ADGRG2: variants seen among roughly 807,000 people sequenced by gnomAD.
ADGRG2 encodes adhesion G protein-coupled receptor G2, also known as G protein-coupled receptor 64.
ADGRG2 carries 26 observed loss-of-function variants against 74.1 expected under a neutral mutation model. That is an observed-to-expected ratio of 0.35 (90% CI 0.26 to 0.49). The LOEUF is 0.49. Among genes scored for constraint, ADGRG2 ranks in the 20% least tolerant of loss-of-function variants. The pLI is 0.99. For synonymous variants in ADGRG2, 296 were observed against 295.2 expected (o/e 1.00, Z -0.03); for missense variants, 619 against 763.1 (o/e 0.81, Z 2.22).
At position 19,064,374 on chromosome X, in the gene ADGRG2, G is replaced by A. The variant is rs2061533546; in HGVS notation, c.118+4343C>T. ...TATTGTTCTCATGCGTCATAGTCACGGCCCTCCAACTGCAGTGTGAATTCC... is the reference window on the plus strand; with the variant it reads ...TATTGTTCTCATGCGTCATAGTCACAGCCCTCCAACTGCAGTGTGAATTCC... On this transcript the variant is annotated intron_variant, in intron 3 of 28. Transcript: ENST00000379869. 4.5e-5 allele frequency among the ~76,000 whole-genome samples: 5 copies of A among 112,354 alleles called. No individual in the cohort carries two copies. In the Admixed American group the frequency reaches 4.7e-4, roughly 11 times the overall value.
At chrX:19,074,736 A>T (rs2061716437) in intron 2 of ADGRG2, among the ~76,000 whole-genome samples, 2 of 105,238 alleles carry the variant, frequency 1.9e-5, no homozygotes, top group African/African-American at 7.0e-5. Context: ...CACCCGGCTA[A>T]TTTTTTCTAT....
chrX:19,105,567 G>A (rs79688043), intron 1 of ADGRG2, among the ~76,000 whole-genome samples: 3 of 109,849 alleles, frequency 2.7e-5, no homozygotes, highest in African/African-American at 1.0e-4. Flanking sequence ...CATCACACAC[G>A]GGGGCCTGTA....
chrX:19,002,357 G>A (rs898553391), intron 24 of ADGRG2, among the ~76,000 whole-genome samples: 3 of 111,551 alleles, frequency 2.7e-5, no homozygotes, highest in Admixed American at 9.6e-5. Context: ...ATGCCCACGT[G>A]GCAGTGAAGT....
At chrX:19,052,620 CTATA>C (rs2061342216) in intron 3 of ADGRG2, among the ~76,000 whole-genome samples, 1 of 108,062 alleles carries the variant, frequency 9.3e-6, no homozygotes, top group African/African-American at 3.3e-5. Context: ...GTTTTTATGT[CTATA>C]TATAAACACA....
At chrX:19,098,256 G>A (rs765512265) in intron 1 of ADGRG2, among the ~76,000 whole-genome samples, 1 of 111,195 alleles carries the variant, frequency 9.0e-6, no homozygotes, top group Admixed American at 9.5e-5. Flanking sequence ...AAAATGTGTA[G>A]GAAAAATCTC....
At chrX:19,018,850 C>CT (rs771086790) in intron 15 of ADGRG2, among the ~76,000 whole-genome samples, 6 of 108,694 alleles carry the variant, frequency 5.5e-5, no homozygotes, top group Admixed American at 9.9e-5. Flanking sequence ...ATATGAAGTA[C>CT]TTTTTTTTTT....
chrX:19,120,163 G>A (rs928531123), intron 1 of ADGRG2, among the ~76,000 whole-genome samples: 37 of 111,295 alleles, frequency 3.3e-4, no homozygotes, highest in Non-Finnish European at 1.5e-4. Context: ...CTGGCATCAC[G>A]CTGAGGCCCT....
At chrX:19,113,104 G>A (rs1359137454) in intron 1 of ADGRG2, among the ~76,000 whole-genome samples, 1 of 108,828 alleles carries the variant, frequency 9.2e-6, no homozygotes, top group Admixed American at 1.0e-4. Context: ...ACCTGCCGGT[G>A]CGGTGGCTCA....
chrX:19,070,103 G>A (rs921596377), intron 2 of ADGRG2, among the ~76,000 whole-genome samples: 2 of 112,229 alleles, frequency 1.8e-5, no homozygotes, highest in African/African-American at 6.5e-5. Context: ...TCACCTGCGT[G>A]CTCCCCCTCC....
intron 24 of ADGRG2, among the ~76,000 whole-genome samples, chrX:19,000,954 C>T (rs372214739): frequency 1.4e-4 from 15 of 110,601 alleles, no homozygotes; most frequent in African/African-American, 4.6e-4. Context: ...AGGCTGGTCT[C>T]GAACTCCTGA....
At chrX:19,062,968 T>C (rs2061509183) in intron 3 of ADGRG2, among the ~76,000 whole-genome samples, 1 of 96,371 alleles carries the variant, frequency 1.0e-5, no homozygotes, top group South Asian at 4.8e-4. Flanking sequence ...CTCTGGAAAA[T>C]AGAATAGTTG....
chrX:19,032,481 A>T (rs770744387), intron 8 of ADGRG2: 11 of 111,475 alleles, frequency 9.9e-5, no homozygotes, highest in Non-Finnish European at 1.9e-4. Context: ...TCATTCGATC[A>T]TCTCATCTTT....
chrX:19,092,191 C>T (rs2062027023), intron 1 of ADGRG2, among the ~76,000 whole-genome samples: 1 of 112,162 alleles, frequency 8.9e-6, no homozygotes, highest in Non-Finnish European at 1.9e-5. Flanking sequence ...CCCAGCATCC[C>T]ACTGCTGCTA....
chrX:19,106,166 C>T (rs1016963397), intron 1 of ADGRG2, among the ~76,000 whole-genome samples: 4 of 100,209 alleles, frequency 4.0e-5, no homozygotes, highest in African/African-American at 1.8e-4. Flanking sequence ...TCTGAATTAT[C>T]CCACTTGAGG....
At chrX:19,080,896 CTGTAAACAGATTT>C (rs916082954) in intron 2 of ADGRG2, among the ~76,000 whole-genome samples, 18 of 109,405 alleles carry the variant, frequency 1.6e-4, no homozygotes, top group Middle Eastern at 4.6e-3. Flanking sequence ...CCAGTACAAA[CTGTAAACAGATTT>C]TGGAATTATT....
intron 1 of ADGRG2, among the ~76,000 whole-genome samples, chrX:19,115,755 A>G (rs1405646167): frequency 9.0e-6 from 1 of 110,701 alleles, no homozygotes; most frequent in Non-Finnish European, 1.9e-5. Context: ...CTAGGAGTTC[A>G]ACAGACTGGC....
chrX:19,052,367 G>A (rs2061337333), intron 3 of ADGRG2, among the ~76,000 whole-genome samples: 1 of 111,119 alleles, frequency 9.0e-6, no homozygotes, highest in South Asian at 3.8e-4. Context: ...GGGCCAAAGA[G>A]GAGTGGTTGA....
intron 3 of ADGRG2, among the ~76,000 whole-genome samples, chrX:19,045,710 G>A (rs902205941): frequency 2.7e-5 from 3 of 110,099 alleles, no homozygotes; most frequent in Admixed American, 9.7e-5. Flanking sequence ...CCTCATACCC[G>A]GGTGTAAAAT....
At chrX:19,060,926 C>T (rs1386004540) in intron 3 of ADGRG2, among the ~76,000 whole-genome samples, 1 of 111,641 alleles carries the variant, frequency 9.0e-6, no homozygotes, top group Non-Finnish European at 1.9e-5. Flanking sequence ...TAATCAGCAG[C>T]TCAGACATCA....
Sources: gnomAD v4.1 joint callset for allele counts (sites outside exome capture counted in the v4.1 genomes callset) on GRCh38, gnomAD v4.1.1 for gene constraint, MANE v1.5 for transcripts, NCBI Gene and HGNC (gene_info 2026-07-23, HGNC 2026-07-21) for gene names.